Variants in TMEM132D observed in about 807,000 individuals in gnomAD.
TMEM132D encodes transmembrane protein 132D, also known as mature OL transmembrane protein.
TMEM132D carries 21 observed loss-of-function variants against 62.3 expected under a neutral mutation model. The ratio of observed to expected loss-of-function variants is 0.34; its 90% CI spans 0.24 to 0.49. The LOEUF is 0.49. Among genes scored for constraint, TMEM132D ranks in the 20% least tolerant of loss-of-function variants. The probability of loss-of-function intolerance (pLI) is 0.99; values close to 1 mark genes in which losing one functional copy is unlikely to be tolerated. For synonymous variants in TMEM132D, 621 were observed against 575.6 expected, an observed-to-expected ratio of 1.08 and a Z score of -1.13; for missense variants, 1,346 against 1,402.8, an observed-to-expected ratio of 0.96 and a Z score of 0.65.
chr12:129,136,896 T>C (rs1453674324), intron 5 of TMEM132D, among the ~76,000 whole-genome samples: 1 of 147,870 alleles, frequency 6.8e-6, no homozygotes, highest in Admixed American at 6.7e-5. Context: ...ATCACCACCA[T>C]CATCACCATC....
At chr12:129,203,765 C>G (rs1410670490) in intron 5 of TMEM132D, among the ~76,000 whole-genome samples, 1 of 152,236 alleles carries the variant, frequency 6.6e-6, no homozygotes, top group Non-Finnish European at 1.5e-5. Flanking sequence ...CGGGCACAAC[C>G]CCATATTTCC....
At chr12:129,594,167 C>A (rs966817348) in intron 2 of TMEM132D, among the ~76,000 whole-genome samples, 2 of 152,300 alleles carry the variant, frequency 1.3e-5, no homozygotes, top group Non-Finnish European at 1.5e-5. Context: ...GGGCGCTTCC[C>A]AGCGCTTTCC....
intron 5 of TMEM132D, among the ~76,000 whole-genome samples, chr12:129,102,132 C>G (rs577650316): frequency 1.4e-4 from 22 of 152,236 alleles, no homozygotes; most frequent in African/African-American, 5.1e-4. Context: ...GTCCATTTCC[C>G]TCTGTGCTGT....
chr12:129,768,935 G>T (rs1269289156), intron 1 of TMEM132D, among the ~76,000 whole-genome samples: 1 of 152,144 alleles, frequency 6.6e-6, no homozygotes, highest in Non-Finnish European at 1.5e-5. Flanking sequence ...AGTTCTAAAG[G>T]TACCAGCTAA....
intron 3 of TMEM132D, among the ~76,000 whole-genome samples, chr12:129,509,341 A>G (rs1207493913): frequency 6.6e-6 from 1 of 152,140 alleles, no homozygotes. Flanking sequence ...CTTAGTTTTT[A>G]ATTTTTGTGG....
chr12:129,705,237 A>G (rs75491964), intron 1 of TMEM132D, among the ~76,000 whole-genome samples: 7,886 of 152,292 alleles, frequency 0.052, 287 homozygotes, highest in South Asian at 0.1. Context: ...AGGCAAAAAA[A>G]GAAACGAAAA....
chr12:129,713,909 A>G (rs1868469746), intron 1 of TMEM132D, among the ~76,000 whole-genome samples: 1 of 152,180 alleles, frequency 6.6e-6, no homozygotes, highest in African/African-American at 2.4e-5. Context: ...TTTGAGAATC[A>G]AGTCCTAATG....
chr12:129,902,365 A>G (rs1441351523), intron 1 of TMEM132D, among the ~76,000 whole-genome samples: 1 of 152,212 alleles, frequency 6.6e-6, no homozygotes, highest in Non-Finnish European at 1.5e-5. Context: ...CAGTGTATCT[A>G]TCTGCAGGAA....
intron 3 of TMEM132D, among the ~76,000 whole-genome samples, chr12:129,456,314 C>A (rs1459450817): frequency 6.6e-6 from 1 of 152,100 alleles, no homozygotes; most frequent in East Asian, 1.9e-4. Flanking sequence ...CTGCTGTTAC[C>A]ACCAATTTTA....
chr12:129,239,896 C>G (rs1879890179), intron 4 of TMEM132D, among the ~76,000 whole-genome samples: 1 of 152,200 alleles, frequency 6.6e-6, no homozygotes, highest in African/African-American at 2.4e-5. Flanking sequence ...CGCCAATACA[C>G]TTGGTGTAGA....
At chr12:129,830,195 C>T (rs939757716) in intron 1 of TMEM132D, among the ~76,000 whole-genome samples, 1 of 152,162 alleles carries the variant, frequency 6.6e-6, no homozygotes, top group African/African-American at 2.4e-5. Flanking sequence ...CATACACATA[C>T]ATACAAACAT....
intron 3 of TMEM132D, among the ~76,000 whole-genome samples, chr12:129,508,521 G>A (rs544978406): frequency 2.0e-4 from 31 of 152,148 alleles, no homozygotes; most frequent in Non-Finnish European, 3.8e-4. Flanking sequence ...AGAACGTATC[G>A]CAGAAGAGAA....
chr12:129,079,594 A>G (rs1874388337), intron 7 of TMEM132D, among the ~76,000 whole-genome samples: 2 of 152,136 alleles, frequency 1.3e-5, no homozygotes, highest in Admixed American at 1.3e-4. Context: ...TTCATCCTCC[A>G]TTCTCCTGCT....
At chr12:129,138,528 G>T (rs914692335) in intron 5 of TMEM132D, among the ~76,000 whole-genome samples, 1 of 152,112 alleles carries the variant, frequency 6.6e-6, no homozygotes, top group Non-Finnish European at 1.5e-5. Flanking sequence ...GACCAGCCTG[G>T]CCAATATGGT....
chr12:129,900,037 A>T (rs1205129827), intron 1 of TMEM132D, among the ~76,000 whole-genome samples: 2 of 152,116 alleles, frequency 1.3e-5, no homozygotes, highest in Admixed American at 6.5e-5. Context: ...CCCAATTAAC[A>T]CCCCAGTGTC....
rs566631934 is a variant in TMEM132D at position 129,138,278 on chromosome 12, T to C, written c.1444-53576A>G. On this transcript the variant is annotated intron_variant, in intron 5 of 8. Coordinates refer to ENST00000422113, the MANE Select transcript of TMEM132D (RefSeq NM_133448.3). ...AAAGTAGTAATTTCAGATTTTTAAA[T>C]GTTGGCCACTATCCAAAACCTTGAA... Among the ~76,000 whole-genome samples the C allele has an allele frequency of 3.9e-5, 6 of 152,356 alleles. No homozygotes were observed. The South Asian group carries it at 1.2e-3, about 32-fold the overall frequency.
intron 4 of TMEM132D, among the ~76,000 whole-genome samples, chr12:129,214,361 C>T (rs781227675): frequency 6.6e-6 from 1 of 152,032 alleles, no homozygotes; most frequent in Non-Finnish European, 1.5e-5. Context: ...TTCATGTTGA[C>T]CTTTGAAAAT....
intron 4 of TMEM132D, among the ~76,000 whole-genome samples, chr12:129,279,675 G>A (rs1881088603): frequency 1.3e-5 from 2 of 152,146 alleles, no homozygotes; most frequent in Non-Finnish European, 2.9e-5. Context: ...ATCCTCAAAT[G>A]TGGAGCTATA....
chr12:129,697,599 G>T (rs1881237963), intron 2 of TMEM132D, among the ~76,000 whole-genome samples: 1 of 152,116 alleles, frequency 6.6e-6, no homozygotes, highest in South Asian at 2.1e-4. Context: ...TTTTCAAATT[G>T]AATTGACATT....
Sources: allele counts gnomAD v4.1 joint callset (sites outside exome capture counted in the v4.1 genomes callset), GRCh38; gene constraint gnomAD v4.1.1; transcripts MANE v1.5; gene names NCBI Gene and HGNC (gene_info 2026-07-23, HGNC 2026-07-21).